PARD3: variants seen among roughly 807,000 people sequenced by gnomAD.
The protein encoded by PARD3 is partitioning defective 3 homolog.
In PARD3, 75 loss-of-function variants were observed where a neutral mutation model predicts 155.4. The observed-to-expected ratio is 0.48, with a 90% CI of 0.40 to 0.58. PARD3 has a LOEUF of 0.58. PARD3 is among the 20% of genes least tolerant of loss of function. The pLI, the probability that PARD3 is intolerant of heterozygous loss-of-function variation, is 0.00. For missense variants in PARD3, 1,642 were observed against 1,721.7 expected (o/e 0.95, Z 0.82); for synonymous variants, 576 against 610.5 (o/e 0.94, Z 0.83).
rs1841437117 is a variant in PARD3, at chr10:34,378,121, GAGA to G, written c.1400-18_1400-16del. On this transcript the variant is annotated splice_polypyrimidine_tract_variant and intron_variant, in intron 9 of 24. Transcript: ENST00000374788. ...ACCTTCTGTACCTAGGTATGTGAAG[GAGA>G]AGAAAAGTAAATAAAATGAGATATC... 6.4e-7 allele frequency: 1 copy of G among 1,556,846 alleles called. No homozygotes were observed. Among genetic ancestry groups the G allele is most frequent in the South Asian group, 1.2e-5 (1 of 81,908 alleles).
At chr10:34,577,547 C>T (rs1239118117) in intron 2 of PARD3, among the ~76,000 whole-genome samples, 1 of 152,218 alleles carries the variant, frequency 6.6e-6, no homozygotes, top group Non-Finnish European at 1.5e-5. Context: ...CAGAATGAAT[C>T]CGATTTGAAT....
intron 2 of PARD3, among the ~76,000 whole-genome samples, chr10:34,602,230 C>T (rs1443784921): frequency 6.6e-6 from 1 of 152,136 alleles, no homozygotes; most frequent in Non-Finnish European, 1.5e-5. Flanking sequence ...TATATGTTTA[C>T]ACTTTTCACT....
At chr10:34,644,394 C>T (rs1031507511) in intron 2 of PARD3, among the ~76,000 whole-genome samples, 3 of 152,218 alleles carry the variant, frequency 2.0e-5, no homozygotes, top group African/African-American at 4.8e-5. Flanking sequence ...CCCCACGCTC[C>T]GACAGTTCTC....
intron 3 of PARD3, among the ~76,000 whole-genome samples, chr10:34,495,341 T>TA (rs2080202543): frequency 6.6e-6 from 1 of 152,084 alleles, no homozygotes; most frequent in African/African-American, 2.4e-5. Flanking sequence ...AGGCTACAGT[T>TA]CTGTAAGAAG....
chr10:34,364,904 AAATC>A (rs1589315127), intron 12 of PARD3, among the ~76,000 whole-genome samples: 1 of 152,244 alleles, frequency 6.6e-6, no homozygotes, highest in South Asian at 2.1e-4. Context: ...TCTTACTCGC[AAATC>A]AATCAAAGGT....
intron 12 of PARD3, among the ~76,000 whole-genome samples, chr10:34,370,636 CTCAGACATTAATAGATGGAGTTTGTGT>C (rs1469919666): frequency 6.6e-6 from 1 of 152,098 alleles, no homozygotes; most frequent in Non-Finnish European, 1.5e-5. Context: ...CTCAGATTGT[CTCAGACATTAATAGATGGAGTTTGTGT>C]GCAAAGTCAT....
At chr10:34,636,854 A>G (rs2092496579) in intron 2 of PARD3, among the ~76,000 whole-genome samples, 1 of 152,196 alleles carries the variant, frequency 6.6e-6, no homozygotes, top group Admixed American at 6.5e-5. Context: ...AATAAGCACG[A>G]AACAGGAAAA....
chr10:34,639,312 C>T (rs944347495), intron 2 of PARD3, among the ~76,000 whole-genome samples: 4 of 151,976 alleles, frequency 2.6e-5, no homozygotes, highest in Non-Finnish European at 5.9e-5. Flanking sequence ...AGGAGAATCC[C>T]TTGAACACAG....
rs374995247 is a variant in PARD3, at chr10:34,210,399, T to C, written c.3419+59258A>G. ...TGAATTGCCCCACATACTTTGCGTG[T>C]GGATGTTGGTTGAGACATTTGGTGG... On this transcript the variant is annotated intron_variant, in intron 22 of 24. Coordinates refer to ENST00000374788, the MANE Select transcript of PARD3 (RefSeq NM_001184785.2). Among the ~76,000 whole-genome samples, 11 of 152,314 alleles carry C rather than the reference T, an allele frequency of 7.2e-5. No individual in the cohort carries two copies. In the East Asian group the frequency reaches 2.1e-3, roughly 29 times the overall value.
At chr10:34,469,150 G>A (rs935674582) in intron 4 of PARD3, among the ~76,000 whole-genome samples, 7 of 152,138 alleles carry the variant, frequency 4.6e-5, no homozygotes, top group African/African-American at 7.2e-5. Flanking sequence ...TCACTCTGTC[G>A]CCCAGGCTAG....
chr10:34,159,503 T>G (rs554463289), intron 22 of PARD3, among the ~76,000 whole-genome samples: 1 of 152,222 alleles, frequency 6.6e-6, no homozygotes. Flanking sequence ...CCAAGAAATG[T>G]TGAGGTAATC....
chr10:34,403,583 T>C (rs1230057209), intron 5 of PARD3, among the ~76,000 whole-genome samples: 1 of 152,212 alleles, frequency 6.6e-6, no homozygotes, highest in Non-Finnish European at 1.5e-5. Context: ...CACCAAACTT[T>C]TCTGTGAGTC....
At position 34,354,141 on chromosome 10, in the gene PARD3, A is replaced by C. The variant is rs922737802; in HGVS notation, c.2067+5006T>G. Among the ~76,000 whole-genome samples, 4 of 151,510 alleles carry C rather than the reference A, an allele frequency of 2.6e-5. No homozygotes were observed. The South Asian group carries it at 6.3e-4, about 24-fold the overall frequency. ...GACCTGTCTTTCTTCAAAAAAAAAA[A>C]ACAAAAAAAAAACGCCAGATGGTAG... On this transcript the variant is annotated intron_variant, in intron 14 of 24. Coordinates refer to ENST00000374788, the MANE Select transcript of PARD3 (RefSeq NM_001184785.2).
chr10:34,178,774 TTTTAAC>T (rs1564458592), intron 22 of PARD3, among the ~76,000 whole-genome samples: 2 of 152,218 alleles, frequency 1.3e-5, no homozygotes, highest in African/African-American at 4.8e-5. Flanking sequence ...GATACAATAA[TTTTAAC>T]TTCCCATAAT....
At chr10:34,192,494 A>G (rs1435386662) in intron 22 of PARD3, among the ~76,000 whole-genome samples, 1 of 152,162 alleles carries the variant, frequency 6.6e-6, no homozygotes, top group African/African-American at 2.4e-5. Context: ...CACAGATCTT[A>G]TATTTCTTCA....
chr10:34,312,611 T>C (rs1050187249), intron 20 of PARD3, among the ~76,000 whole-genome samples: 8 of 152,224 alleles, frequency 5.3e-5, no homozygotes, highest in African/African-American at 1.7e-4. Context: ...AAATTATCTA[T>C]TTCCTCTTCA....
chr10:34,729,462 C>T (rs1179514774), intron 1 of PARD3, among the ~76,000 whole-genome samples: 11 of 148,974 alleles, frequency 7.4e-5, no homozygotes, highest in African/African-American at 2.7e-4. Flanking sequence ...ACCCAGCAGG[C>T]GGAGGTTGCA....
At chr10:34,589,285 T>C (rs1376720169) in intron 2 of PARD3, among the ~76,000 whole-genome samples, 2 of 152,174 alleles carry the variant, frequency 1.3e-5, no homozygotes, top group South Asian at 2.1e-4. Flanking sequence ...TGTAGTACTA[T>C]TATAGGTTGA....
intron 5 of PARD3, among the ~76,000 whole-genome samples, chr10:34,429,546 C>A (rs2075793470): frequency 6.8e-6 from 1 of 146,446 alleles, no homozygotes; most frequent in Admixed American, 6.8e-5. Context: ...CAGCCCCACT[C>A]TAACTCAGTT....
Sources: allele counts gnomAD v4.1 joint callset (sites outside exome capture counted in the v4.1 genomes callset), GRCh38; gene constraint gnomAD v4.1.1; transcripts MANE v1.5; gene names NCBI Gene and HGNC (gene_info 2026-07-23, HGNC 2026-07-21).